The following CELF4 variants were observed in gnomAD, a reference collection of about 807,000 sequenced individuals.
The protein encoded by CELF4 is CUG-BP- and ETR-3-like factor 4.
CELF4 carries 18 observed loss-of-function variants against 59.9 expected under a neutral mutation model. The ratio of observed to expected loss-of-function variants is 0.30; its 90% CI spans 0.21 to 0.45. The LOEUF is 0.45. Ranked by LOEUF, CELF4 falls within the 20% of genes least tolerant of loss-of-function variation. The pLI is 1.00. For missense variants in CELF4, 456 were observed against 689.0 expected, an observed-to-expected ratio of 0.66 and a Z score of 3.79; for synonymous variants, 261 against 267.1, an observed-to-expected ratio of 0.98 and a Z score of 0.22.
chr18:37,450,174 G>A (rs2099759228), intron 2 of CELF4, among the ~76,000 whole-genome samples: 1 of 152,132 alleles, frequency 6.6e-6, no homozygotes, highest in African/African-American at 2.4e-5. Context: ...GAGGGTACAA[G>A]TTTGTATGGG....
chr18:37,482,182 C>A (rs2099869651), intron 2 of CELF4, among the ~76,000 whole-genome samples: 2 of 152,150 alleles, frequency 1.3e-5, no homozygotes, highest in South Asian at 4.2e-4. Context: ...TTTTTCTTAT[C>A]TCTGTATTTT....
chr18:37,446,482 C>T (rs916618457), intron 2 of CELF4, among the ~76,000 whole-genome samples: 1 of 152,116 alleles, frequency 6.6e-6, no homozygotes, highest in Admixed American at 6.5e-5. Context: ...CTCTACCACT[C>T]ATGAGCTGTA....
intron 2 of CELF4, among the ~76,000 whole-genome samples, chr18:37,438,469 C>G (rs1716357029): frequency 6.6e-6 from 1 of 152,140 alleles, no homozygotes; most frequent in South Asian, 2.1e-4. Flanking sequence ...GATGAGGACA[C>G]TGAGACCCAG....
At chr18:37,343,064 G>T (rs534649529) in intron 2 of CELF4, among the ~76,000 whole-genome samples, 1 of 152,190 alleles carries the variant, frequency 6.6e-6, no homozygotes, top group African/African-American at 2.4e-5. Flanking sequence ...GGTGTGCACC[G>T]TGTGACCACA....
chr18:37,389,941 G>A (rs186334253), intron 2 of CELF4, among the ~76,000 whole-genome samples: 24 of 152,318 alleles, frequency 1.6e-4, no homozygotes, highest in African/African-American at 5.3e-4. Context: ...GCTCACTCAC[G>A]CTGCACAGAT....
chr18:37,518,618 T>C (rs777925578), intron 1 of CELF4, among the ~76,000 whole-genome samples: 1 of 151,986 alleles, frequency 6.6e-6, no homozygotes, highest in Non-Finnish European at 1.5e-5. Flanking sequence ...CAAAGCCCCC[T>C]AGGCTCCTGA....
chr18:37,428,127 C>T (rs1229121925), intron 2 of CELF4, among the ~76,000 whole-genome samples: 2 of 152,170 alleles, frequency 1.3e-5, no homozygotes, highest in African/African-American at 2.4e-5. Flanking sequence ...AGCAATTAGC[C>T]CTAGAGCTTT....
At chr18:37,286,408 T>C (rs2094774438) in intron 3 of CELF4, among the ~76,000 whole-genome samples, 1 of 151,922 alleles carries the variant, frequency 6.6e-6, no homozygotes, top group Admixed American at 6.6e-5. Context: ...GGCTGACCCT[T>C]ATGGGGCCTC....
chr18:37,398,972 C>T (rs187087213), intron 2 of CELF4, among the ~76,000 whole-genome samples: 5 of 152,262 alleles, frequency 3.3e-5, no homozygotes, highest in African/African-American at 1.2e-4. Flanking sequence ...CAATTGTCTT[C>T]CCACCTGTGG....
chr18:37,325,069 T>C (rs1296145927), intron 2 of CELF4, among the ~76,000 whole-genome samples: 2 of 151,890 alleles, frequency 1.3e-5, no homozygotes, highest in East Asian at 3.9e-4. Context: ...AATTCAGGCT[T>C]CCCCTGCAAG....
At chr18:37,425,502 G>C (rs891292672) in intron 2 of CELF4, among the ~76,000 whole-genome samples, 15 of 152,210 alleles carry the variant, frequency 9.9e-5, no homozygotes, top group African/African-American at 3.6e-4. Flanking sequence ...ATGCATGCCA[G>C]AATACCTGAG....
intron 2 of CELF4, among the ~76,000 whole-genome samples, chr18:37,452,932 C>T (rs1228015033): frequency 6.6e-6 from 1 of 152,160 alleles, no homozygotes; most frequent in African/African-American, 2.4e-5. Flanking sequence ...AAACTCAGGG[C>T]TGGTACCTCA....
chr18:37,402,091 G>T (rs895268551), intron 2 of CELF4, among the ~76,000 whole-genome samples: 3 of 152,188 alleles, frequency 2.0e-5, no homozygotes, highest in African/African-American at 7.2e-5. Flanking sequence ...TTGAAACCCA[G>T]GCATCTGGAC....
chr18:37,490,770 C>A (rs1446295849), intron 1 of CELF4, among the ~76,000 whole-genome samples: 1 of 152,100 alleles, frequency 6.6e-6, no homozygotes, highest in Non-Finnish European at 1.5e-5. Flanking sequence ...CCCAGCTGTG[C>A]GACTCTGACG....
chr18:37,381,063 C>T (rs2099034130), intron 2 of CELF4, among the ~76,000 whole-genome samples: 1 of 150,998 alleles, frequency 6.6e-6, no homozygotes, highest in South Asian at 2.1e-4. Flanking sequence ...ATCCATTCCT[C>T]TATGCATACA....
chr18:37,476,950 C>T (rs2099851402), intron 2 of CELF4, among the ~76,000 whole-genome samples: 1 of 152,224 alleles, frequency 6.6e-6, no homozygotes, highest in South Asian at 2.1e-4. Context: ...CATCCATGAC[C>T]AGAGAGCGAA....
intron 1 of CELF4, among the ~76,000 whole-genome samples, chr18:37,530,789 T>G (rs1044635797): frequency 5.3e-5 from 8 of 151,898 alleles, no homozygotes; most frequent in African/African-American, 1.7e-4. Context: ...CTATCTCTAA[T>G]CTTCTCTGGG....
intron 3 of CELF4, among the ~76,000 whole-genome samples, chr18:37,296,660 C>T (rs966203081): frequency 1.4e-4 from 22 of 152,312 alleles, no homozygotes; most frequent in Middle Eastern, 6.8e-3. Flanking sequence ...CCTGGTTTGG[C>T]TCTGTTGCCC....
chr18:37,372,964 G>T (rs1028234507), intron 2 of CELF4, among the ~76,000 whole-genome samples: 18 of 152,300 alleles, frequency 1.2e-4, no homozygotes, highest in Admixed American at 8.5e-4. Flanking sequence ...AATCATTAAA[G>T]ATTTCAGCCA....
Sources: gnomAD v4.1 joint callset for allele counts (sites outside exome capture counted in the v4.1 genomes callset) on GRCh38, gnomAD v4.1.1 for gene constraint, MANE v1.5 for transcripts, NCBI Gene and HGNC (gene_info 2026-07-23, HGNC 2026-07-21) for gene names.